Variants in NDUFB7 observed in about 807,000 individuals in gnomAD.
NDUFB7 encodes the protein NADH:ubiquinone oxidoreductase subunit B7.
A neutral mutation model predicts 14.7 loss-of-function variants in NDUFB7; 18 were observed. The observed-to-expected ratio is 1.22, with a 90% CI of 0.85 to 1.81. The LOEUF (loss-of-function observed/expected upper bound fraction) is 1.81, where lower values mean the gene tolerates loss of function less well. Ranked by LOEUF, NDUFB7 falls within the 40% of genes most tolerant of loss-of-function variation. NDUFB7 has a pLI of 0.00. For synonymous variants in NDUFB7, 86 were observed against 76.1 expected, an observed-to-expected ratio of 1.13 and a Z score of -0.68; for missense variants, 219 against 195.0, an observed-to-expected ratio of 1.12 and a Z score of -0.73.
In NDUFB7 at chr19:14,566,879, C is replaced by A; in HGVS notation, c.167G>T (p.Arg56Leu). ...GATGAGGTGGTGGGCGCAGTAGTCC[C>A]GCAGCTGGAGCCTCAGCTGCGCGTC... ...MMDAQLRLQL[R>L]DYCAHHLIRL... The change falls in exon 2 of 3, where the codon CGG (arginine) becomes CTG (leucine). Residue 56 changes from arginine to leucine, a missense_variant. Arg to Leu is a moderately radical substitution (Grantham distance 102). Coordinates refer to ENST00000215565, the MANE Select transcript of NDUFB7 (RefSeq NM_004146.6). 1 of 1,578,834 alleles carries A rather than the reference C, an allele frequency of 6.3e-7. No individual in the cohort carries two copies. Among genetic ancestry groups the A allele is most frequent in the Non-Finnish European group, 8.6e-7 (1 of 1,165,374 alleles).
rs910452724 is a variant in NDUFB7, at chr19:14,567,663, G to A, written c.113-730C>T. On this transcript the variant is annotated intron_variant, in intron 1 of 2. Coordinates refer to ENST00000215565, the MANE Select transcript of NDUFB7 (RefSeq NM_004146.6). The surrounding 1 kb of genome is among the most constrained non-coding windows in gnomAD (Gnocchi z 5.1). ...GGCGATCCTGCACTCGTTCCCCACCGCCTCCCTCAGACCCAGCCTCCCTAG... is the reference window on the plus strand; with the variant it reads ...GGCGATCCTGCACTCGTTCCCCACCACCTCCCTCAGACCCAGCCTCCCTAG... Among the ~76,000 whole-genome samples, 4 of 151,930 alleles carry A rather than the reference G, an allele frequency of 2.6e-5. No homozygotes were observed. The highest frequency in any genetic ancestry group is 1.5e-5 in the Non-Finnish European group (1 of 67,974).
intron 2 of NDUFB7, among the ~76,000 whole-genome samples, 153 bp from the exon 3 acceptor site, chr19:14,566,418 C>T (rs1393675107): frequency 1.3e-5 from 2 of 151,936 alleles, no homozygotes; most frequent in Admixed American, 1.3e-4. Context: ...GGGGTCTGCC[C>T]ACGCAGGTGG....
rs149412642 is a variant in NDUFB7 at position 14,566,227 on chromosome 19, C to T, written c.320G>A (p.Arg107Lys). 1 of 1,614,126 alleles carries T rather than the reference C, an allele frequency of 6.2e-7. No individual in the cohort carries two copies. The highest frequency in any genetic ancestry group is 8.5e-7 in the Non-Finnish European group (1 of 1,180,018). ...CCGCCGCTTCTTCCGCTGGAGCAGCCTCCGCTCCCGCTCAAACTCCTTCAT... is the reference window on the plus strand; with the variant it reads ...CCGCCGCTTCTTCCGCTGGAGCAGCTTCCGCTCCCGCTCAAACTCCTTCAT... ...MRMKEFERER[R>K]LLQRKKRREK... Residue 107 changes from arginine to lysine, a missense_variant, in exon 3 of 3, where the codon AGG becomes AAG. Coordinates refer to ENST00000215565, the MANE Select transcript of NDUFB7 (RefSeq NM_004146.6).
chr19:14,566,404 G>A (rs545177136), intron 2 of NDUFB7, 139 bp from the exon 3 acceptor site: 57 of 1,403,306 alleles, frequency 4.1e-5, no homozygotes, highest in Non-Finnish European at 5.0e-5. Context: ...TGTGGCTTGG[G>A]TCTGGGGTCT....
chr19:14,569,717 A>G (rs2074113909), intron 1 of NDUFB7, among the ~76,000 whole-genome samples: 1 of 152,096 alleles, frequency 6.6e-6, no homozygotes, highest in African/African-American at 2.4e-5. Flanking sequence ...CCATCTCCCA[A>G]CTTTCTCTCA....
At chr19:14,568,338 C>T in intron 1 of NDUFB7, among the ~76,000 whole-genome samples, 1 of 152,182 alleles carries the variant, frequency 6.6e-6, no homozygotes, top group East Asian at 1.9e-4. Flanking sequence ...AGCCACTGTG[C>T]CCGGCCTGAG....
In NDUFB7 at chr19:14,567,027, C is replaced by G. The variant is rs1315388385; in HGVS notation, c.113-94G>C. 7.5e-7 allele frequency: 1 copy of G among 1,334,502 alleles called. No individual in the cohort carries two copies. The highest frequency in any genetic ancestry group is 2.5e-5 in the East Asian group (1 of 39,684). The allele number at this position is 1,334,502 out of a possible 1,614,324, so 82.7% of individuals were successfully genotyped here. A position where few individuals can be genotyped will look rare whatever the true frequency, so the allele number is the denominator to read the frequency against. ...ACCGAGGCACACGGCTTCAGGAAGG[C>G]ACGGCTTGGGGTGTCCCCCATTCAC... On this transcript the variant is annotated intron_variant, in intron 1 of 2. Coordinates refer to ENST00000215565, the MANE Select transcript of NDUFB7 (RefSeq NM_004146.6). The surrounding 1 kb of genome is among the most constrained non-coding windows in gnomAD (Gnocchi z 5.1).
rs140691441 is a variant in NDUFB7, at chr19:14,567,499, G to C, written c.113-566C>G. On this transcript the variant is annotated intron_variant, in intron 1 of 2. Coordinates refer to ENST00000215565, the MANE Select transcript of NDUFB7 (RefSeq NM_004146.6). This position sits in a 1 kb window ranked among gnomAD's most constrained non-coding sequence, Gnocchi z 5.1. ...GTACCTGTAAGGTACTTAGGCGTGG[G>C]CTCAGAAGACAGCTGGACTAGTATC... 1.4e-3 allele frequency among the ~76,000 whole-genome samples: 213 copies of C among 152,234 alleles called. No individual in the cohort carries two copies. The highest frequency in any genetic ancestry group is 4.8e-3 in the African/African-American group (200 of 41,534).
intron 1 of NDUFB7, among the ~76,000 whole-genome samples, chr19:14,568,174 A>T (rs887214723): frequency 3.3e-5 from 5 of 152,174 alleles, no homozygotes; most frequent in Non-Finnish European, 7.3e-5. Context: ...CTTCCTGAGT[A>T]GCTGGAACTA....
At chr19:14,571,507 G>A (rs1290569646) in intron 1 of NDUFB7, among the ~76,000 whole-genome samples, 1 of 151,984 alleles carries the variant, frequency 6.6e-6, no homozygotes, top group Non-Finnish European at 1.5e-5. Context: ...TGAGGCAGGA[G>A]AATCGCTTGA....
chr19:14,571,779 A>C (rs562722381), intron 1 of NDUFB7, 110 bp downstream of exon 1: 65 of 1,039,228 alleles, frequency 6.3e-5, no homozygotes, highest in Non-Finnish European at 8.9e-5. Flanking sequence ...CCAAACCCAG[A>C]TACAACACCT....
chr19:14,572,047 T>G lies in NDUFB7; in HGVS notation c.-47A>C, dbSNP rs979125440. Reference sequence around the variant, plus strand: ...CTGCAGCAGCCGAGGGTCACCTAGCTCCTACCCGGAACCACTGACCCCTCA... The same window carrying G: ...CTGCAGCAGCCGAGGGTCACCTAGCGCCTACCCGGAACCACTGACCCCTCA... On this transcript the variant is annotated 5_prime_UTR_variant, in exon 1 of 3. Coordinates refer to ENST00000215565, the MANE Select transcript of NDUFB7 (RefSeq NM_004146.6). 6.9e-7 allele frequency: 1 copy of G among 1,439,568 alleles called. No homozygotes were observed. The highest frequency in any genetic ancestry group is 1.4e-5 in the African/African-American group (1 of 70,608). 89.2% of individuals were successfully genotyped at this position (1,439,568 alleles called of 1,614,324 possible).
intron 2 of NDUFB7, among the ~76,000 whole-genome samples, chr19:14,566,544 G>C (rs1349348476): frequency 2.0e-5 from 3 of 151,180 alleles, no homozygotes; most frequent in Admixed American, 1.3e-4. Context: ...GGTGGGGCCC[G>C]GCTAGAAACC....
intron 1 of NDUFB7, among the ~76,000 whole-genome samples, chr19:14,569,502 C>T (rs138086562): frequency 6.6e-6 from 1 of 151,976 alleles, no homozygotes; most frequent in East Asian, 1.9e-4. Context: ...TTCAGTTGCA[C>T]GGGGATAGGC....
chr19:14,570,568 C>A (rs778942450), intron 1 of NDUFB7, among the ~76,000 whole-genome samples: 1 of 151,942 alleles, frequency 6.6e-6, no homozygotes, highest in African/African-American at 2.4e-5. Context: ...AACTCCTGAC[C>A]CCAGGTGATC....
chr19:14,571,740 T>G, intron 1 of NDUFB7, 149 bp downstream of exon 1: 1 of 724,086 alleles, frequency 1.4e-6, no homozygotes, highest in South Asian at 1.7e-5. Context: ...GGTGGGGTCA[T>G]GCACGTCCTG....
intron 1 of NDUFB7, 24 bp downstream of exon 1, chr19:14,571,865 C>A: frequency 1.9e-6 from 3 of 1,592,928 alleles, no homozygotes; most frequent in Non-Finnish European, 2.6e-6. Flanking sequence ...CGCCCTCTGG[C>A]TGCGCCTGCG....
chr19:14,567,087 G>A lies in NDUFB7; in HGVS notation c.113-154C>T, dbSNP rs1455615805. ...GCAGTGGATGGCAGATGCCTTTGAC[G>A]GATGCACTGTCCTGAAGGGGCCTCC... On this transcript the variant is annotated intron_variant, in intron 1 of 2. Coordinates refer to ENST00000215565, the MANE Select transcript of NDUFB7 (RefSeq NM_004146.6). The surrounding 1 kb of genome is among the most constrained non-coding windows in gnomAD (Gnocchi z 5.1). Among the ~76,000 whole-genome samples the A allele has an allele frequency of 3.9e-5, 6 of 151,944 alleles. No individual in the cohort carries two copies. Among genetic ancestry groups the A allele is most frequent in the African/African-American group, 1.5e-4 (6 of 41,348 alleles).
chr19:14,567,014 G>A lies in NDUFB7; in HGVS notation c.113-81C>T, dbSNP rs1430614389. On this transcript the variant is annotated intron_variant, in intron 1 of 2. Transcript: ENST00000215565. This position sits in a 1 kb window ranked among gnomAD's most constrained non-coding sequence, Gnocchi z 5.1. ...GGATCCCCAGGGGACCGAGGCACAC[G>A]GCTTCAGGAAGGCACGGCTTGGGGT... 56 of 1,426,522 alleles carry A rather than the reference G, an allele frequency of 3.9e-5. No homozygotes were observed. The highest frequency in any genetic ancestry group is 1.3e-4 in the Admixed American group (6 of 45,910). The allele number at this position is 1,426,522 out of a possible 1,614,324, so 88.4% of individuals were successfully genotyped here. A position where few individuals can be genotyped will look rare whatever the true frequency, so the allele number is the denominator to read the frequency against.
Sources: allele counts gnomAD v4.1 joint callset (sites outside exome capture counted in the v4.1 genomes callset), GRCh38; gene constraint gnomAD v4.1.1; non-coding constraint Gnocchi (gnomAD v3.1); transcripts MANE v1.5; gene names NCBI Gene and HGNC (gene_info 2026-07-23, HGNC 2026-07-21).